The following DDX42 variants were observed in gnomAD, a reference collection of about 807,000 sequenced individuals.
DDX42 encodes the protein ATP-dependent RNA helicase DDX42.
Under a neutral mutation model 101.5 loss-of-function variants are expected in DDX42, and 22 were observed. That is an observed-to-expected ratio of 0.22 (90% confidence interval 0.15 to 0.31). The LOEUF (loss-of-function observed/expected upper bound fraction) is 0.31. Ranked by LOEUF, DDX42 falls within the 10% of genes least tolerant of loss-of-function variation. DDX42 has a pLI of 1.00. For synonymous variants in DDX42, 402 were observed against 401.2 expected, an observed-to-expected ratio of 1.00 and a Z score of -0.02; for missense variants, 849 against 1,199.9, an observed-to-expected ratio of 0.71 and a Z score of 4.32.
chr17:63,802,697 G>T (rs1278999480), intron 6 of DDX42, among the ~76,000 whole-genome samples: 1 of 151,900 alleles, frequency 6.6e-6, no homozygotes, highest in Non-Finnish European at 1.5e-5. Context: ...GATCACCTGA[G>T]GTCAGCAGTT....
At chr17:63,794,187 C>G (rs968853038) in intron 3 of DDX42, among the ~76,000 whole-genome samples, 2 of 152,116 alleles carry the variant, frequency 1.3e-5, no homozygotes, top group Non-Finnish European at 2.9e-5. Flanking sequence ...AGGTAGTATA[C>G]AGCTACAGGT....
chr17:63,815,336 T>C (rs1006841327), intron 15 of DDX42, among the ~76,000 whole-genome samples: 5 of 152,222 alleles, frequency 3.3e-5, no homozygotes, highest in African/African-American at 1.2e-4. Context: ...GAGGGAGCAC[T>C]GTAGGAAGCC....
intron 3 of DDX42, 29 bp from the exon 4 acceptor site, chr17:63,798,009 T>G: frequency 6.3e-7 from 1 of 1,583,630 alleles, no homozygotes; most frequent in Non-Finnish European, 8.6e-7. Context: ...TTAGTTGATG[T>G]CATTCTATAC....
intron 6 of DDX42, among the ~76,000 whole-genome samples, chr17:63,803,193 A>G (rs751079724): frequency 6.6e-6 from 1 of 152,240 alleles, no homozygotes; most frequent in Admixed American, 6.5e-5. Context: ...ATGGATTATA[A>G]TGTAACAGAG....
At position 63,792,580 on chromosome 17, in the gene DDX42, T is replaced by C; in HGVS notation, c.372+18T>C. 6.3e-7 allele frequency: 1 copy of C among 1,598,090 alleles called. No individual in the cohort carries two copies. The highest frequency in any genetic ancestry group is 8.5e-7 in the Non-Finnish European group (1 of 1,172,162). ...AAGTGGAGGCAAGTATCAACATGTT[T>C]CATTAAAATATTTAGCAGTTAGAAA... On this transcript the variant is annotated intron_variant, in intron 3 of 17. Coordinates refer to ENST00000389924, the MANE Select transcript of DDX42 (RefSeq NM_203499.3).
At chr17:63,789,516 T>C (rs1008308577) in intron 2 of DDX42, among the ~76,000 whole-genome samples, 3 of 141,670 alleles carry the variant, frequency 2.1e-5, no homozygotes, top group African/African-American at 5.3e-5. Context: ...ACCCAGCAGA[T>C]GTTAATTGGA....
intron 1 of DDX42, among the ~76,000 whole-genome samples, chr17:63,785,172 A>G (rs1238174593): frequency 6.6e-6 from 1 of 152,136 alleles, no homozygotes; most frequent in African/African-American, 2.4e-5. Context: ...TGTATCATTA[A>G]AAAGGGTTTT....
At chr17:63,785,649 T>C (rs1458285061) in intron 1 of DDX42, among the ~76,000 whole-genome samples, 1 of 150,908 alleles carries the variant, frequency 6.6e-6, no homozygotes, top group Non-Finnish European at 1.5e-5. Context: ...CCAAGACTAA[T>C]GTAAGGTATT....
In DDX42 at chr17:63,816,953, A is replaced by G. The variant is rs201806798; in HGVS notation, c.2099A>G (p.Lys700Arg). 42 of 1,613,732 alleles carry G rather than the reference A, an allele frequency of 2.6e-5. No individual in the cohort carries two copies. Among genetic ancestry groups the G allele is most frequent in the Non-Finnish European group, 2.8e-5 (33 of 1,179,858 alleles). Residue 700 changes from lysine (K) to arginine (R), a missense_variant, in exon 17 of 18, where the codon AAA becomes AGA. Physicochemically the swap from Lys to Arg is conservative, Grantham distance 26 (BLOSUM62 2). Coordinates refer to ENST00000389924, the MANE Select transcript of DDX42 (RefSeq NM_203499.3). Reference protein sequence around the residue: ...GAMGDRLTAMKAAFQSQYKSH... With the variant: ...GAMGDRLTAMRAAFQSQYKSH... Reference sequence around the variant, plus strand: ...ATGGGAGATCGACTAACGGCAATGAAAGCAGCTTTCCAGGTCTGAAATAAG... The same window carrying G: ...ATGGGAGATCGACTAACGGCAATGAGAGCAGCTTTCCAGGTCTGAAATAAG...
At chr17:63,786,094 G>A (rs1213595443) in intron 1 of DDX42, among the ~76,000 whole-genome samples, 2 of 152,198 alleles carry the variant, frequency 1.3e-5, no homozygotes, top group Non-Finnish European at 2.9e-5. Flanking sequence ...TCCTTTTGGA[G>A]GGGATGATAT....
chr17:63,776,180 A>G (rs1036310353), intron 1 of DDX42: 3 of 152,258 alleles, frequency 2.0e-5, no homozygotes, highest in Non-Finnish European at 4.4e-5. Flanking sequence ...TTAGTCCACT[A>G]TATTTAAAGT....
intron 2 of DDX42, among the ~76,000 whole-genome samples, chr17:63,790,758 TCAAAAA>T (rs1395452710): frequency 6.6e-6 from 1 of 150,790 alleles, no homozygotes; most frequent in Non-Finnish European, 1.5e-5. Flanking sequence ...AGACTCCATC[TCAAAAA>T]CAAAAAGACC....
At chr17:63,807,971 G>T in intron 9 of DDX42, 71 bp downstream of exon 9, 3 of 1,445,802 alleles carry the variant, frequency 2.1e-6, no homozygotes, top group African/African-American at 1.4e-5. Flanking sequence ...AAGTGAGGTA[G>T]AATGACCAGG....
rs942720331 is a variant in DDX42, at chr17:63,817,777, T to C, written c.2196T>C (p.Thr732=). Residue 732 remains threonine, a synonymous_variant, in exon 18 of 18, where the codon ACT becomes ACC. Transcript: ENST00000389924. ...CTGCTGCTGGGGCAAGTGGGTGGACTAGTGCAGGGAGCTTGAATTCTGTTC... is the reference window on the plus strand; with the variant it reads ...CTGCTGCTGGGGCAAGTGGGTGGACCAGTGCAGGGAGCTTGAATTCTGTTC... The part of the protein sequence containing the change: ...GSSAAGASGW[T]SAGSLNSVPT... 1.2e-6 allele frequency: 2 copies of C among 1,614,120 alleles called. No homozygotes were observed. The highest frequency in any genetic ancestry group is 1.3e-5 in the African/African-American group (1 of 74,934).
chr17:63,817,728 T>C lies in DDX42; in HGVS notation c.2147T>C (p.Leu716Ser), dbSNP rs1379629254. ...QYKSHFVAAS[L>S]SNQKAGSSAA... ...AAGAGTCACTTTGTTGCAGCCAGTTTAAGTAATCAGAAGGCTGGAAGTTCT... is the reference window on the plus strand; with the variant it reads ...AAGAGTCACTTTGTTGCAGCCAGTTCAAGTAATCAGAAGGCTGGAAGTTCT... The change falls in exon 18 of 18, where the codon TTA becomes TCA. Residue 716 changes from leucine (L) to serine (S), a missense_variant. Leu to Ser is a moderately radical substitution (Grantham distance 145). Transcript: ENST00000389924. 6.2e-7 allele frequency: 1 copy of C among 1,614,216 alleles called. No homozygotes were observed. The highest frequency in any genetic ancestry group is 8.5e-7 in the Non-Finnish European group (1 of 1,180,038).
At chr17:63,808,727 G>C in intron 9 of DDX42, 93 bp from the exon 10 acceptor site, 1 of 1,507,796 alleles carries the variant, frequency 6.6e-7, no homozygotes, top group Non-Finnish European at 9.0e-7. Context: ...GATTTTTTAT[G>C]ACATCACATT....
chr17:63,806,659 G>A lies in DDX42; in HGVS notation c.846+5G>A, dbSNP rs1403144858. 6.3e-7 allele frequency: 1 copy of A among 1,595,572 alleles called. No homozygotes were observed. The highest frequency in any genetic ancestry group is 1.4e-5 in the African/African-American group (1 of 73,940). On this transcript the variant is annotated splice_donor_5th_base_variant and intron_variant, in intron 8 of 17. Coordinates refer to ENST00000389924, the MANE Select transcript of DDX42 (RefSeq NM_203499.3). ...CCCACTCCAATACAGTGCCAGGTAA[G>A]TAAAACATAATGAAAGAAAAATAAA...
chr17:63,782,171 G>C (rs1490815097), intron 1 of DDX42, among the ~76,000 whole-genome samples: 1 of 152,014 alleles, frequency 6.6e-6, no homozygotes, highest in East Asian at 1.9e-4. Flanking sequence ...CCAGCTACTC[G>C]GGAGGCTGAG....
At chr17:63,778,214 T>G (rs2039443917) in intron 1 of DDX42, among the ~76,000 whole-genome samples, 1 of 152,250 alleles carries the variant, frequency 6.6e-6, no homozygotes, top group Non-Finnish European at 1.5e-5. Context: ...TGTCTCACTA[T>G]TACTTCATCA....
Sources: allele counts gnomAD v4.1 joint callset (sites outside exome capture counted in the v4.1 genomes callset), GRCh38; gene constraint gnomAD v4.1.1; transcripts MANE v1.5; gene names NCBI Gene and HGNC (gene_info 2026-07-23, HGNC 2026-07-21).